Variants in CCDC88A observed in about 807,000 individuals in gnomAD.
The protein encoded by CCDC88A is coiled-coil and HOOK domain protein 88A.
CCDC88A carries 54 observed loss-of-function variants against 234.3 expected under a neutral mutation model. The ratio of observed to expected loss-of-function variants is 0.23; its 90% CI spans 0.19 to 0.29. The LOEUF is 0.29. Among genes scored for constraint, CCDC88A ranks in the 10% least tolerant of loss-of-function variants. The pLI is 1.00. For synonymous variants in CCDC88A, 753 were observed against 737.8 expected (o/e 1.02, Z -0.33); for missense variants, 1,832 against 2,123.4 (o/e 0.86, Z 2.70).
chr2:55,336,460 AT>A (rs1400339555), intron 14 of CCDC88A, among the ~76,000 whole-genome samples: 33 of 152,152 alleles, frequency 2.2e-4, no homozygotes, highest in Admixed American at 2.2e-3. Context: ...CTAGATGATT[AT>A]TAAGCACAAT....
At chr2:55,330,392 G>C (rs915595181) in intron 16 of CCDC88A, among the ~76,000 whole-genome samples, 6 of 152,048 alleles carry the variant, frequency 3.9e-5, no homozygotes, top group African/African-American at 1.2e-4. Context: ...AGAATCACTT[G>C]AACCTCGGAG....
chr2:55,306,614 CTCG>C (rs576961439), intron 25 of CCDC88A, among the ~76,000 whole-genome samples: 130 of 152,162 alleles, frequency 8.5e-4, no homozygotes, highest in African/African-American at 3.1e-3. Flanking sequence ...GAGACAAAGT[CTCG>C]CCCTGTCACC....
chr2:55,317,610 A>C lies in CCDC88A; in HGVS notation c.3556T>G (p.Ser1186Ala), dbSNP rs757791407. 5 of 1,592,856 alleles carry C rather than the reference A, an allele frequency of 3.1e-6. No homozygotes were observed. Among genetic ancestry groups the C allele is most frequent in the East Asian group, 2.2e-5 (1 of 44,446 alleles). ...TCCACCTCAAGATTTTTGTGGGCAGACTTCAGAGTTCCATGTTTAGAGATA... is the reference window on the plus strand; with the variant it reads ...TCCACCTCAAGATTTTTGTGGGCAGCCTTCAGAGTTCCATGTTTAGAGATA... The part of the protein sequence containing the change: ...SLISKHGTLK[S>A]AHKNLEVEHR... Residue 1186 changes from serine to alanine, a missense_variant, in exon 20 of 33, where the codon TCT (serine) becomes GCT (alanine). Transcript: ENST00000436346. The surrounding 1 kb of genome is among the most constrained non-coding windows in gnomAD (Gnocchi z 4.2).
intron 15 of CCDC88A, among the ~76,000 whole-genome samples, chr2:55,333,763 T>C (rs1407521064): frequency 6.6e-6 from 1 of 152,108 alleles, no homozygotes; most frequent in Non-Finnish European, 1.5e-5. Flanking sequence ...ACTCAATAAA[T>C]AGTAGCTATC....
chr2:55,346,154 A>C (rs1014983922), intron 10 of CCDC88A, 21 bp downstream of exon 10: 1 of 1,545,684 alleles, frequency 6.5e-7, no homozygotes, highest in African/African-American at 1.4e-5. Context: ...AAAATCATGA[A>C]TGGTTAATTA....
At position 55,419,189 on chromosome 2, in the gene CCDC88A, G is replaced by T; in HGVS notation, c.-110C>A. On this transcript the variant is annotated 5_prime_UTR_variant, in exon 1 of 33. Coordinates refer to ENST00000436346, the MANE Select transcript of CCDC88A (RefSeq NM_001365480.1). ...TCAATGAAAGTCCATTTCGGCAAGG[G>T]AGAAAAATCCCATCGTGGAGGAGGG... The T allele has an allele frequency of 1.4e-6, 1 of 703,504 alleles. No homozygotes were observed. The highest frequency in any genetic ancestry group is 2.5e-6 in the Non-Finnish European group (1 of 404,944). The allele number at this position is 703,504 out of a possible 1,614,324, so 43.6% of individuals were successfully genotyped here.
rs1042058927 is a variant in CCDC88A, at chr2:55,399,356, C to G, written c.165-10470G>C. Among the ~76,000 whole-genome samples, 14 of 151,852 alleles carry G rather than the reference C, an allele frequency of 9.2e-5. 1 individual carries two copies. Among genetic ancestry groups the G allele is most frequent in the African/African-American group, 3.4e-4 (14 of 41,404 alleles). On this transcript the variant is annotated intron_variant, in intron 2 of 32. Transcript: ENST00000436346. ...CCTGGCCAAGATGGTGAAACCCCGT[C>G]TCTACTAAAAATTAAAAAAAAAATT...
At chr2:55,314,058 G>GT (rs1324658784) in intron 22 of CCDC88A, 2 of 152,198 alleles carry the variant, frequency 1.3e-5, no homozygotes, top group Non-Finnish European at 2.9e-5. Context: ...GGAAGTGATG[G>GT]TGTAACAGTT....
At chr2:55,297,447 G>C (rs1316585994) in intron 29 of CCDC88A, among the ~76,000 whole-genome samples, 1 of 104,828 alleles carries the variant, frequency 9.5e-6, no homozygotes, top group South Asian at 2.9e-4. Context: ...GTCTCACTGT[G>C]TCACCCAGGC....
chr2:55,354,383 G>A (rs1387876218), intron 8 of CCDC88A, among the ~76,000 whole-genome samples: 2 of 151,282 alleles, frequency 1.3e-5, no homozygotes, highest in Non-Finnish European at 3.0e-5. Flanking sequence ...CACCTGCCTC[G>A]GCCTCCCAAA....
intron 3 of CCDC88A, among the ~76,000 whole-genome samples, chr2:55,384,665 A>T (rs199542373): frequency 0.029 from 142 of 4,830 alleles, 33 homozygotes; most frequent in African/African-American, 0.14. Flanking sequence ...ATATATATAT[A>T]TATTTTTTAA....
chr2:55,308,110 T>G (rs944255204), intron 25 of CCDC88A: 5 of 152,356 alleles, frequency 3.3e-5, no homozygotes, highest in Admixed American at 2.0e-4. Flanking sequence ...TAATTTTGTA[T>G]TTTTAGTAGA....
intron 9 of CCDC88A, among the ~76,000 whole-genome samples, chr2:55,347,196 G>A (rs572269994): frequency 7.2e-5 from 11 of 152,112 alleles, no homozygotes; most frequent in African/African-American, 2.2e-4. Context: ...TAGTGCATAC[G>A]TTAATGTCAT....
At chr2:55,340,588 A>C (rs1343142568) in intron 12 of CCDC88A, among the ~76,000 whole-genome samples, 2 of 152,204 alleles carry the variant, frequency 1.3e-5, no homozygotes, top group Non-Finnish European at 1.5e-5. Context: ...AGATTATTTA[A>C]ATTTAACTAT....
Position 55,334,695 on chromosome 2 carries a change from T to A in CCDC88A, c.2126A>T (p.Asn709Ile). The change falls in exon 15 of 33, where the codon AAT becomes ATT. Residue 709 changes from asparagine to isoleucine, a missense_variant. Asn to Ile is a moderately radical substitution (Grantham distance 149, BLOSUM62 -3). Transcript: ENST00000436346. The surrounding 1 kb of genome is among the most constrained non-coding windows in gnomAD (Gnocchi z 6.1). ...GCTTGCACACTTCAAAGATTCTACA[T>A]TCCTTCGCAGTTCTAAGTTTTCCTC... ...LDEENLELRR[N>I]VESLKCASMK... The A allele has an allele frequency of 6.8e-6, 11 of 1,613,678 alleles. No individual in the cohort carries two copies. The highest frequency in any genetic ancestry group is 9.3e-6 in the Non-Finnish European group (11 of 1,179,720).
chr2:55,380,398 G>C (rs1674399876), intron 3 of CCDC88A, among the ~76,000 whole-genome samples: 1 of 152,048 alleles, frequency 6.6e-6, no homozygotes, highest in Non-Finnish European at 1.5e-5. Flanking sequence ...TAAATAAGTG[G>C]AAATTCTATT....
At chr2:55,351,295 A>G (rs1469244274) in intron 8 of CCDC88A, among the ~76,000 whole-genome samples, 1 of 152,052 alleles carries the variant, frequency 6.6e-6, no homozygotes, top group East Asian at 1.9e-4. Flanking sequence ...CACATTAAGT[A>G]TCCCTTTTCT....
At chr2:55,394,191 T>C (rs1677138532) in intron 2 of CCDC88A, 1 of 152,244 alleles carries the variant, frequency 6.6e-6, no homozygotes, top group South Asian at 2.1e-4. Flanking sequence ...TGGTTTTTTG[T>C]CCTTGCGAGA....
chr2:55,415,234 G>A (rs1216692901), intron 2 of CCDC88A, among the ~76,000 whole-genome samples: 1 of 152,070 alleles, frequency 6.6e-6, no homozygotes, highest in Non-Finnish European at 1.5e-5. Flanking sequence ...AGGATGGCCT[G>A]ACCCCAGGAG....
Sources: allele counts gnomAD v4.1 joint callset (sites outside exome capture counted in the v4.1 genomes callset), GRCh38; gene constraint gnomAD v4.1.1; non-coding constraint Gnocchi (gnomAD v3.1); transcripts MANE v1.5; gene names NCBI Gene and HGNC (gene_info 2026-07-23, HGNC 2026-07-21).